RXFP1: variants seen among roughly 807,000 people sequenced by gnomAD.
The protein encoded by RXFP1 is relaxin family peptide receptor 1.
In RXFP1, 73 loss-of-function variants were observed where a neutral mutation model predicts 89.8. That is an observed-to-expected ratio of 0.81 (90% confidence interval 0.67 to 0.99). The LOEUF is 0.99. Among genes scored for constraint, RXFP1 ranks in the 50% least tolerant of loss-of-function variants. RXFP1 has a pLI of 0.00. For missense variants in RXFP1, 793 were observed against 895.5 expected (o/e 0.89, Z 1.46); for synonymous variants, 277 against 305.5 (o/e 0.91, Z 0.97).
Position 158,652,133 on chromosome 4 carries a change from C to A in RXFP1, c.*78C>A. ...GGGATTTACTGGTATGAAATGAATA[C>A]CACAAAATTAATTTATAATAATAGC... On this transcript the variant is annotated 3_prime_UTR_variant, in exon 18 of 18. Transcript: ENST00000307765. The A allele has an allele frequency of 1.9e-5, 22 of 1,152,244 alleles. No homozygotes were observed. The highest frequency in any genetic ancestry group is 9.1e-5 in the South Asian group (5 of 55,140). The allele number at this position is 1,152,244 out of a possible 1,614,324, so 71.4% of individuals were successfully genotyped here.
intron 5 of RXFP1, among the ~76,000 whole-genome samples, chr4:158,605,711 A>G (rs1762439144): frequency 6.6e-6 from 1 of 152,086 alleles, no homozygotes; most frequent in African/African-American, 2.4e-5. Context: ...CAAAATCCAT[A>G]CTGGCCCACG....
chr4:158,551,161 G>A (rs1037031786), intron 1 of RXFP1, among the ~76,000 whole-genome samples: 2 of 152,168 alleles, frequency 1.3e-5, no homozygotes, highest in Non-Finnish European at 2.9e-5. Flanking sequence ...TGGCATTTGT[G>A]ACAACATGGA....
chr4:158,529,121 A>G (rs1743330846), intron 1 of RXFP1, among the ~76,000 whole-genome samples: 1 of 152,232 alleles, frequency 6.6e-6, no homozygotes, highest in Non-Finnish European at 1.5e-5. Context: ...AACACAGAGC[A>G]TCCTCACTGT....
intron 1 of RXFP1, among the ~76,000 whole-genome samples, chr4:158,541,983 G>A (rs1199067821): frequency 6.8e-5 from 10 of 147,470 alleles, no homozygotes; most frequent in African/African-American, 2.0e-4. Flanking sequence ...GCAGTGGTGC[G>A]AGCTCAGCTC....
intron 12 of RXFP1, among the ~76,000 whole-genome samples, chr4:158,636,202 G>T (rs11942473): frequency 0.14 from 21,910 of 152,018 alleles, 1,843 homozygotes; most frequent in Admixed American, 0.22. Flanking sequence ...TACAGCCTGA[G>T]CAACATAGCA....
intron 1 of RXFP1, among the ~76,000 whole-genome samples, chr4:158,530,502 G>A (rs1021125773): frequency 6.6e-6 from 1 of 152,132 alleles, no homozygotes. Context: ...AAGATTTGCC[G>A]TTTTTACTTT....
At chr4:158,647,876 C>T (rs916295943) in intron 16 of RXFP1, among the ~76,000 whole-genome samples, 60 of 152,060 alleles carry the variant, frequency 3.9e-4, no homozygotes, top group African/African-American at 1.4e-3. Flanking sequence ...ATTAGCCGGG[C>T]ATGGTGGCAC....
At chr4:158,561,610 AT>A (rs892827656) in intron 1 of RXFP1, among the ~76,000 whole-genome samples, 2 of 141,584 alleles carry the variant, frequency 1.4e-5, no homozygotes, top group African/African-American at 5.3e-5. Context: ...CACAATCTGT[AT>A]TTTTTTCTTT....
At chr4:158,615,463 G>A (rs188487038) in intron 8 of RXFP1, among the ~76,000 whole-genome samples, 48 of 152,198 alleles carry the variant, frequency 3.2e-4, no homozygotes, top group African/African-American at 1.1e-3. Context: ...TTGAACCTGG[G>A]AGGTGGAGGT....
intron 1 of RXFP1, among the ~76,000 whole-genome samples, chr4:158,541,350 G>GCACACACACA (rs58856633): frequency 0.46 from 63,842 of 139,606 alleles, 15,997 homozygotes; most frequent in East Asian, 0.68. Flanking sequence ...AGAGCTTCAT[G>GCACACACACA]CACACACACA....
chr4:158,522,905 A>C (rs1186943029), intron 1 of RXFP1, among the ~76,000 whole-genome samples: 1 of 152,136 alleles, frequency 6.6e-6, no homozygotes, highest in East Asian at 1.9e-4. Context: ...GTTAACTCTG[A>C]GCTCTTCTAT....
intron 12 of RXFP1, among the ~76,000 whole-genome samples, chr4:158,637,304 T>C: frequency 6.6e-6 from 1 of 152,218 alleles, no homozygotes; most frequent in Admixed American, 6.5e-5. Context: ...TTTTTGATTT[T>C]TGAGGAAGCC....
chr4:158,643,250 C>A (rs1386472509), intron 14 of RXFP1, among the ~76,000 whole-genome samples: 1 of 152,118 alleles, frequency 6.6e-6, no homozygotes, highest in African/African-American at 2.4e-5. Context: ...CTTAATTTTT[C>A]AGGCTGCTCT....
intron 14 of RXFP1, among the ~76,000 whole-genome samples, chr4:158,640,619 C>A (rs1375341268): frequency 6.6e-6 from 1 of 152,160 alleles, no homozygotes; most frequent in Non-Finnish European, 1.5e-5. Flanking sequence ...CCACACCATT[C>A]ATGAGGGATC....
chr4:158,540,135 A>G (rs1384075014), intron 1 of RXFP1, among the ~76,000 whole-genome samples: 3 of 152,162 alleles, frequency 2.0e-5, no homozygotes, highest in African/African-American at 7.2e-5. Flanking sequence ...CACGCAAGAA[A>G]GAATTTGGGG....
intron 2 of RXFP1, among the ~76,000 whole-genome samples, chr4:158,580,686 G>A (rs889597691): frequency 1.3e-5 from 2 of 152,094 alleles, no homozygotes; most frequent in South Asian, 2.1e-4. Flanking sequence ...TCCCCACTGC[G>A]GCGGACTTTG....
chr4:158,560,840 T>A (rs951053031), intron 1 of RXFP1, among the ~76,000 whole-genome samples: 1 of 152,168 alleles, frequency 6.6e-6, no homozygotes, highest in Non-Finnish European at 1.5e-5. Flanking sequence ...TCTGCCCACG[T>A]CTCACTGGTC....
At chr4:158,648,472 T>C (rs747479604) in intron 16 of RXFP1, 27 bp from the exon 17 acceptor site, 1 of 1,333,090 alleles carries the variant, frequency 7.5e-7, no homozygotes. Flanking sequence ...TTCTATGCAT[T>C]AATAATACTG....
At chr4:158,574,340 GT>G (rs1755774191) in intron 2 of RXFP1, among the ~76,000 whole-genome samples, 1 of 151,988 alleles carries the variant, frequency 6.6e-6, no homozygotes, top group Non-Finnish European at 1.5e-5. Flanking sequence ...AAGGAATTAA[GT>G]TTCCGTTAAC....
Sources: allele counts gnomAD v4.1 joint callset (sites outside exome capture counted in the v4.1 genomes callset), GRCh38; gene constraint gnomAD v4.1.1; transcripts MANE v1.5; gene names NCBI Gene and HGNC (gene_info 2026-07-23, HGNC 2026-07-21).